Variants in MEIG1 observed in about 807,000 individuals in gnomAD.
MEIG1 encodes meiosis expressed gene 1 protein homolog.
MEIG1 carries 12 observed loss-of-function variants against 11.3 expected under a neutral mutation model. That is an observed-to-expected ratio of 1.07 (90% confidence interval 0.68 to 1.73). The LOEUF is 1.73. Among genes scored for constraint, MEIG1 ranks in the 40% most tolerant of loss-of-function variants. The pLI is 0.00. For synonymous variants in MEIG1, 41 were observed against 33.2 expected, an observed-to-expected ratio of 1.24 and a Z score of -0.81; for missense variants, 119 against 104.9, an observed-to-expected ratio of 1.13 and a Z score of -0.59.
intron 1 of MEIG1, among the ~76,000 whole-genome samples, chr10:14,984,089 T>C (rs1290444583): frequency 6.6e-6 from 1 of 152,030 alleles, no homozygotes; most frequent in Non-Finnish European, 1.5e-5. Context: ...ATGATATAGT[T>C]GGTAATTTCC....
chr10:14,963,118 C>T (rs532252908), intron 1 of MEIG1, among the ~76,000 whole-genome samples: 30 of 149,130 alleles, frequency 2.0e-4, no homozygotes, highest in African/African-American at 7.2e-4. Flanking sequence ...TTAATTTAGA[C>T]AGAGTTTTGC....
intron 1 of MEIG1, among the ~76,000 whole-genome samples, chr10:14,983,181 G>A (rs973833744): frequency 2.0e-5 from 3 of 151,720 alleles, no homozygotes; most frequent in South Asian, 2.1e-4. Context: ...ATATTGATCC[G>A]AATATCATCT....
chr10:14,976,080 C>T (rs531396096), downstream of MEIG1, among the ~76,000 whole-genome samples: 2 of 152,210 alleles, frequency 1.3e-5, no homozygotes, highest in Non-Finnish European at 2.9e-5. Context: ...CCCCGCATCG[C>T]GGGGGGCGTC....
chr10:14,954,419 C>T, upstream of MEIG1: 2 of 314,226 alleles, frequency 6.4e-6, no homozygotes, highest in Non-Finnish European at 1.3e-5. Context: ...GCTTAGAAAT[C>T]ATTCTTCGTT....
rs1843164016 is a variant in MEIG1, at chr10:14,972,536, A to C, written c.162A>C (p.Gly54=). The change falls in exon 3 of 3, where the codon GGA becomes GGC. Residue 54 remains glycine, a synonymous_variant. Transcript: ENST00000407572. ...AGGTAGATCGTTGGCCGGAGACAGGATATGTGAAGAAACTTCAGAGAAGGG... is the reference window on the plus strand; with the variant it reads ...AGGTAGATCGTTGGCCGGAGACAGGCTATGTGAAGAAACTTCAGAGAAGGG... The part of the protein sequence containing the change: ...VSMVDRWPET[G]YVKKLQRRDN... The C allele has an allele frequency of 6.2e-7, 1 of 1,614,114 alleles. No homozygotes were observed. Among genetic ancestry groups the C allele is most frequent in the Non-Finnish European group, 8.5e-7 (1 of 1,179,970 alleles).
upstream of MEIG1, among the ~76,000 whole-genome samples, chr10:14,956,048 T>C (rs1842943337): frequency 6.6e-6 from 1 of 152,204 alleles, no homozygotes; most frequent in African/African-American, 2.4e-5. Flanking sequence ...CTTATGTATT[T>C]GCTCACTTAT....
intron 1 of MEIG1, among the ~76,000 whole-genome samples, chr10:14,980,176 T>C (rs1843249993): frequency 6.6e-6 from 1 of 152,018 alleles, no homozygotes; most frequent in African/African-American, 2.4e-5. Context: ...GGGTGTGGTT[T>C]CTGTGCTATA....
chr10:14,958,197 G>C (rs1842970829), upstream of MEIG1, among the ~76,000 whole-genome samples: 1 of 152,128 alleles, frequency 6.6e-6, no homozygotes, highest in Non-Finnish European at 1.5e-5. Context: ...TGTTTGGGGA[G>C]GTTGTTTTGT....
upstream of MEIG1, among the ~76,000 whole-genome samples, chr10:14,956,231 C>T (rs1842948783): frequency 6.6e-6 from 1 of 152,126 alleles, no homozygotes; most frequent in South Asian, 2.1e-4. Flanking sequence ...CTTAACACAC[C>T]TTCTAGGTGA....
downstream of MEIG1, among the ~76,000 whole-genome samples, chr10:14,974,712 CACG>C (rs1041210781): frequency 1.1e-4 from 16 of 152,044 alleles, 1 homozygote; most frequent in South Asian, 4.2e-4. Flanking sequence ...GAGTTATACT[CACG>C]ATAACAATAA....
upstream of MEIG1, among the ~76,000 whole-genome samples, chr10:14,958,991 G>GAA (rs144505534): frequency 6.6e-6 from 1 of 152,146 alleles, no homozygotes; most frequent in African/African-American, 2.4e-5. Context: ...GATAATGCTA[G>GAA]AAAAAATAAT....
downstream of MEIG1, among the ~76,000 whole-genome samples, chr10:14,973,769 C>CAGAAA (rs1843177883): frequency 1.1e-5 from 1 of 90,478 alleles, no homozygotes; most frequent in African/African-American, 4.4e-5. Context: ...GACTCCATCT[C>CAGAAA]AAAAAAAAAA....
intron 1 of MEIG1, among the ~76,000 whole-genome samples, chr10:14,965,228 T>C (rs1843066581): frequency 6.6e-6 from 1 of 152,250 alleles, no homozygotes; most frequent in Non-Finnish European, 1.5e-5. Flanking sequence ...TATATTTTAA[T>C]AGAAGAATGC....
At chr10:14,960,952 C>G (rs576379340) in intron 1 of MEIG1, among the ~76,000 whole-genome samples, 52 of 152,214 alleles carry the variant, frequency 3.4e-4, no homozygotes, top group Non-Finnish European at 6.9e-4. Flanking sequence ...TCGCTTTAAC[C>G]TGGGAGGCGG....
At chr10:14,976,221 T>C (rs1488968991), downstream of MEIG1, among the ~76,000 whole-genome samples, 5 of 152,178 alleles carry the variant, frequency 3.3e-5, no homozygotes, top group African/African-American at 7.2e-5. Flanking sequence ...TTCCATATTC[T>C]AGCAAGATGC....
chr10:14,967,135 C>G (rs903855527), intron 2 of MEIG1, among the ~76,000 whole-genome samples: 1 of 151,796 alleles, frequency 6.6e-6, no homozygotes, highest in Non-Finnish European at 1.5e-5. Context: ...AGAATTTTCT[C>G]TTTTATTGAG....
chr10:14,978,657 C>T (rs758014952), intron 1 of MEIG1, among the ~76,000 whole-genome samples: 1 of 151,948 alleles, frequency 6.6e-6, no homozygotes, highest in Non-Finnish European at 1.5e-5. Flanking sequence ...GTCTCCTAGA[C>T]GGATGTTACA....
chr10:14,972,375 T>C (rs1843161719), intron 2 of MEIG1, 138 bp from the exon 3 acceptor site: 1 of 1,144,644 alleles, frequency 8.7e-7, no homozygotes, highest in East Asian at 2.5e-5. Context: ...GGTATCATAC[T>C]TTAAAAGCTC....
intron 1 of MEIG1, among the ~76,000 whole-genome samples, chr10:14,978,961 G>A (rs559994046): frequency 1.7e-3 from 251 of 151,978 alleles, no homozygotes; most frequent in African/African-American, 5.5e-3. Flanking sequence ...GTTATGGGTC[G>A]TATTCTAGGG....
Sources: gnomAD v4.1 joint callset for allele counts (sites outside exome capture counted in the v4.1 genomes callset) on GRCh38, gnomAD v4.1.1 for gene constraint, MANE v1.5 for transcripts, NCBI Gene and HGNC (gene_info 2026-07-23, HGNC 2026-07-21) for gene names.